The following CYTH1 variants were observed in gnomAD, a reference collection of about 807,000 sequenced individuals.
The protein encoded by CYTH1 is cytohesin-1.
Under a neutral mutation model 61.8 loss-of-function variants are expected in CYTH1, and 18 were observed. The observed-to-expected ratio is 0.29, with a 90% CI of 0.20 to 0.43. The LOEUF (loss-of-function observed/expected upper bound fraction) is 0.43, where lower values mean the gene tolerates loss of function less well. Among genes scored for constraint, CYTH1 ranks in the 20% least tolerant of loss-of-function variants. The pLI is 1.00. For synonymous variants in CYTH1, 174 were observed against 184.3 expected (o/e 0.94, Z 0.45); for missense variants, 336 against 510.5 (o/e 0.66, Z 3.29).
intron 3 of CYTH1, 136 bp from the exon 4 acceptor site, chr17:78,702,740 C>T (rs551662366): frequency 5.2e-5 from 47 of 896,246 alleles, no homozygotes; most frequent in Non-Finnish European, 6.4e-5. Flanking sequence ...TCTGGTGGAA[C>T]TATGAAAGGC....
intron 1 of CYTH1, among the ~76,000 whole-genome samples, chr17:78,726,597 G>A (rs540210983): frequency 2.6e-5 from 4 of 152,258 alleles, no homozygotes; most frequent in East Asian, 1.9e-4. Flanking sequence ...AGTCCAAGAC[G>A]GTTCCACGCG....
intron 11 of CYTH1, among the ~76,000 whole-genome samples, chr17:78,687,155 A>C (rs905336459): frequency 6.6e-6 from 1 of 151,926 alleles, no homozygotes; most frequent in South Asian, 2.1e-4. Flanking sequence ...TATACAACTC[A>C]CCATGATGTA....
intron 1 of CYTH1, among the ~76,000 whole-genome samples, chr17:78,716,739 C>T (rs2093184133): frequency 2.0e-5 from 3 of 152,256 alleles, no homozygotes; most frequent in African/African-American, 7.2e-5. Context: ...CCTTCATTCT[C>T]ATGCTGCCCC....
chr17:78,763,193 A>G (rs1348239114), intron 1 of CYTH1, among the ~76,000 whole-genome samples: 1 of 151,868 alleles, frequency 6.6e-6, no homozygotes, highest in Non-Finnish European at 1.5e-5. Context: ...AAAATACAAA[A>G]TTAGCCAGGA....
chr17:78,759,968 T>C (rs2093415544), intron 1 of CYTH1, among the ~76,000 whole-genome samples: 1 of 152,178 alleles, frequency 6.6e-6, no homozygotes, highest in Non-Finnish European at 1.5e-5. Context: ...TGTACAAGCA[T>C]GTGCATGTAT....
chr17:78,778,498 T>C (rs1177748047), intron 1 of CYTH1, among the ~76,000 whole-genome samples: 4 of 148,830 alleles, frequency 2.7e-5, no homozygotes, highest in African/African-American at 7.4e-5. Context: ...ATCAGCCGGG[T>C]GTGGTGGCAG....
intron 1 of CYTH1, among the ~76,000 whole-genome samples, chr17:78,762,317 C>T (rs1472103061): frequency 6.6e-6 from 1 of 152,186 alleles, no homozygotes; most frequent in Non-Finnish European, 1.5e-5. Context: ...ATGCCTTCCC[C>T]TACCTTTGAA....
intron 7 of CYTH1, among the ~76,000 whole-genome samples, chr17:78,699,987 C>T (rs1415913777): frequency 6.6e-6 from 1 of 152,150 alleles, no homozygotes; most frequent in Non-Finnish European, 1.5e-5. Context: ...GAAAGGGTCT[C>T]ATAATGTTGC....
At chr17:78,698,696 T>C in intron 8 of CYTH1, 124 bp downstream of exon 8, 2 of 1,209,276 alleles carry the variant, frequency 1.7e-6, no homozygotes, top group Non-Finnish European at 2.2e-6. Flanking sequence ...ATTCACATGG[T>C]TAAACAAATT....
chr17:78,753,497 C>CTTAA (rs1402460107), intron 1 of CYTH1, among the ~76,000 whole-genome samples: 8 of 102,332 alleles, frequency 7.8e-5, no homozygotes, highest in Admixed American at 6.8e-4. Context: ...CTTATCTCTA[C>CTTAA]TTAATAAATA....
intron 1 of CYTH1, among the ~76,000 whole-genome samples, chr17:78,770,356 A>G (rs370966651): frequency 2.4e-5 from 1 of 42,174 alleles, no homozygotes; most frequent in Non-Finnish European, 5.5e-5. Context: ...AAAAGAAAAG[A>G]AAAAAAAAAA....
chr17:78,753,499 TAATA>T (rs67579941), intron 1 of CYTH1, among the ~76,000 whole-genome samples: 5,815 of 143,308 alleles, frequency 0.041, 131 homozygotes, highest in South Asian at 0.055. Flanking sequence ...TATCTCTACT[TAATA>T]AATAAATAAA....
At chr17:78,768,389 G>A (rs1829011484) in intron 1 of CYTH1, among the ~76,000 whole-genome samples, 1 of 152,110 alleles carries the variant, frequency 6.6e-6, no homozygotes, top group African/African-American at 2.4e-5. Context: ...TGGAGTTGCA[G>A]GTTCAAATTC....
At chr17:78,759,636 A>T (rs2093414454) in intron 1 of CYTH1, among the ~76,000 whole-genome samples, 1 of 151,948 alleles carries the variant, frequency 6.6e-6, no homozygotes, top group African/African-American at 2.4e-5. Context: ...CTTCTTAAAA[A>T]CCTCTGTAAG....
At chr17:78,752,928 T>C (rs958067930) in intron 1 of CYTH1, among the ~76,000 whole-genome samples, 1 of 152,192 alleles carries the variant, frequency 6.6e-6, no homozygotes, top group Non-Finnish European at 1.5e-5. Flanking sequence ...AGACTAGTCC[T>C]GCCAAGACAT....
intron 1 of CYTH1, among the ~76,000 whole-genome samples, chr17:78,781,560 G>T (rs1322602597): frequency 1.3e-5 from 2 of 152,060 alleles, no homozygotes; most frequent in East Asian, 1.9e-4. Context: ...GCACCGGACC[G>T]GCGGCTACCG....
intron 1 of CYTH1, among the ~76,000 whole-genome samples, chr17:78,739,568 T>A (rs989231508): frequency 1.3e-5 from 2 of 152,096 alleles, no homozygotes; most frequent in African/African-American, 2.4e-5. Context: ...GTAGGCGAAC[T>A]GCATGGGGCC....
At chr17:78,746,906 T>C (rs1419169456) in intron 1 of CYTH1, among the ~76,000 whole-genome samples, 1 of 151,864 alleles carries the variant, frequency 6.6e-6, no homozygotes, top group Non-Finnish European at 1.5e-5. Flanking sequence ...ATCACCCCAC[T>C]GCACTCCAGT....
intron 1 of CYTH1, among the ~76,000 whole-genome samples, chr17:78,765,581 G>A (rs1372820672): frequency 2.0e-5 from 3 of 152,086 alleles, no homozygotes. Context: ...TCAATGCCAA[G>A]CAAAACAAAT....
Sources: allele counts gnomAD v4.1 joint callset (sites outside exome capture counted in the v4.1 genomes callset), GRCh38; gene constraint gnomAD v4.1.1; transcripts MANE v1.5; gene names NCBI Gene and HGNC (gene_info 2026-07-23, HGNC 2026-07-21).